Variants in B4GALT6 observed in about 807,000 individuals in gnomAD.
B4GALT6 encodes the protein beta-1,4-galactosyltransferase 6.
B4GALT6 carries 14 observed loss-of-function variants against 46.3 expected under a neutral mutation model. The observed-to-expected ratio is 0.30, with a 90% CI of 0.20 to 0.47. The LOEUF is 0.47. Among genes scored for constraint, B4GALT6 ranks in the 20% least tolerant of loss-of-function variants. The pLI is 0.99. For missense variants in B4GALT6, 386 were observed against 480.1 expected (o/e 0.80, Z 1.83); for synonymous variants, 168 against 162.0 (o/e 1.04, Z -0.28).
At chr18:31,660,229 G>GT (rs1467745158) in intron 2 of B4GALT6, among the ~76,000 whole-genome samples, 6 of 151,912 alleles carry the variant, frequency 3.9e-5, no homozygotes, top group African/African-American at 1.5e-4. Context: ...GATTACAGGC[G>GT]TGAGCCACCA....
the B4GALT6 span, among the ~76,000 whole-genome samples, chr18:31,712,424 TC>T: frequency 6.7e-6 from 1 of 149,448 alleles, no homozygotes; most frequent in Non-Finnish European, 1.5e-5. Context: ...TGCCTCAGCC[TC>T]CCAAGTAGCT....
chr18:31,668,305 C>T (rs1304679606), intron 1 of B4GALT6, among the ~76,000 whole-genome samples: 6 of 152,072 alleles, frequency 3.9e-5, no homozygotes, highest in Non-Finnish European at 4.4e-5. Flanking sequence ...CTGGGGACTA[C>T]TACAAGAGGG....
At chr18:31,706,743 C>T in the B4GALT6 span, among the ~76,000 whole-genome samples, 1 of 152,122 alleles carries the variant, frequency 6.6e-6, no homozygotes, top group Non-Finnish European at 1.5e-5. Context: ...TAACCAGTAA[C>T]AATGTATTCC....
At chr18:31,686,537 G>A (rs1429423038), upstream of B4GALT6, 1 of 152,196 alleles carries the variant, frequency 6.6e-6, no homozygotes, top group Non-Finnish European at 1.5e-5. Context: ...CACTAGGTGG[G>A]ATCACCAAGT....
upstream of B4GALT6, among the ~76,000 whole-genome samples, chr18:31,685,392 G>C (rs1052637743): frequency 1.3e-5 from 2 of 151,680 alleles, no homozygotes; most frequent in African/African-American, 4.8e-5. Flanking sequence ...GAAGGGGCGG[G>C]GGAGCCGCGG....
intron 2 of B4GALT6, among the ~76,000 whole-genome samples, chr18:31,661,573 T>C (rs2074217802): frequency 6.6e-6 from 1 of 152,186 alleles, no homozygotes; most frequent in South Asian, 2.1e-4. Context: ...GAGTTCATAT[T>C]ATAGCTTTTG....
At chr18:31,690,994 T>G in the B4GALT6 span, among the ~76,000 whole-genome samples, 1 of 150,400 alleles carries the variant, frequency 6.6e-6, no homozygotes, top group African/African-American at 2.5e-5. Context: ...GTCAGTGGGG[T>G]GGGGGGCAAG....
At chr18:31,653,435 CTTTTT>C (rs5823819) in intron 3 of B4GALT6, among the ~76,000 whole-genome samples, 1,145 of 74,250 alleles carry the variant, frequency 0.015, 3 homozygotes, top group Non-Finnish European at 0.02. Context: ...AACCTTTTTT[CTTTTT>C]TTTTTTTTTT....
At chr18:31,649,699 C>T (rs558947618) in intron 3 of B4GALT6, among the ~76,000 whole-genome samples, 53 of 151,270 alleles carry the variant, frequency 3.5e-4, no homozygotes, top group Non-Finnish European at 5.9e-4. Context: ...ATTAAAACCA[C>T]GATAAGACAG....
At chr18:31,711,850 A>G in the B4GALT6 span, among the ~76,000 whole-genome samples, 1 of 152,174 alleles carries the variant, frequency 6.6e-6, no homozygotes, top group African/African-American at 2.4e-5. Context: ...TTTATCTTTC[A>G]AACACTATTG....
the B4GALT6 span, among the ~76,000 whole-genome samples, chr18:31,690,856 A>G: frequency 1.3e-5 from 2 of 152,326 alleles, no homozygotes; most frequent in East Asian, 1.9e-4. Flanking sequence ...AGGGTCATGG[A>G]TGAAGCTGGA....
chr18:31,626,444 T>G, intron 7 of B4GALT6, 60 bp from the exon 8 acceptor site: 2 of 961,130 alleles, frequency 2.1e-6, no homozygotes, highest in Admixed American at 2.2e-5. Context: ...ATGGGTTATG[T>G]GAGTTCAATT....
chr18:31,698,979 A>G, the B4GALT6 span, among the ~76,000 whole-genome samples: 27 of 151,924 alleles, frequency 1.8e-4, 1 homozygote, highest in South Asian at 5.6e-3. Context: ...AGGCACAAGA[A>G]TCACTTGAAC....
chr18:31,648,879 TGGAGCCTATA>T (rs2074025045), intron 3 of B4GALT6, among the ~76,000 whole-genome samples: 1 of 152,208 alleles, frequency 6.6e-6, no homozygotes, highest in African/African-American at 2.4e-5. Flanking sequence ...TCATTTTGCT[TGGAGCCTATA>T]TCTATTTTTT....
At chr18:31,672,168 C>A (rs1279778659) in intron 1 of B4GALT6, among the ~76,000 whole-genome samples, 1 of 152,198 alleles carries the variant, frequency 6.6e-6, no homozygotes, top group East Asian at 1.9e-4. Context: ...TTGCAGGACA[C>A]CAACGCAGCA....
At chr18:31,693,053 C>T in the B4GALT6 span, among the ~76,000 whole-genome samples, 1 of 152,194 alleles carries the variant, frequency 6.6e-6, no homozygotes, top group South Asian at 2.1e-4. Flanking sequence ...TTTCTTTATT[C>T]TCTGCTTCCT....
the B4GALT6 span, among the ~76,000 whole-genome samples, chr18:31,708,750 G>A: frequency 6.6e-6 from 1 of 151,794 alleles, no homozygotes; most frequent in East Asian, 1.9e-4. Context: ...TCCTTCCATA[G>A]AAGGAAAAAT....
chr18:31,721,275 T>C, the B4GALT6 span, among the ~76,000 whole-genome samples: 21 of 152,152 alleles, frequency 1.4e-4, no homozygotes, highest in Non-Finnish European at 2.8e-4. Flanking sequence ...ACATGGCACA[T>C]GTATACCTAT....
chr18:31,708,923 T>A, the B4GALT6 span, among the ~76,000 whole-genome samples: 16 of 152,324 alleles, frequency 1.1e-4, no homozygotes, highest in East Asian at 2.9e-3. Context: ...AATGCCAATT[T>A]TCATTTTGTC....
Sources: gnomAD v4.1 joint callset for allele counts (sites outside exome capture counted in the v4.1 genomes callset) on GRCh38, gnomAD v4.1.1 for gene constraint, MANE v1.5 for transcripts, NCBI Gene and HGNC (gene_info 2026-07-23, HGNC 2026-07-21) for gene names.